Variants in DLGAP1 observed in about 807,000 individuals in gnomAD.
DLGAP1 encodes disks large-associated protein 1.
A neutral mutation model predicts 90.8 loss-of-function variants in DLGAP1; 11 were observed. The observed-to-expected ratio is 0.12, with a 90% CI of 0.08 to 0.20. The LOEUF (loss-of-function observed/expected upper bound fraction) is 0.20. Ranked by LOEUF, DLGAP1 falls within the 10% of genes least tolerant of loss-of-function variation. DLGAP1 has a pLI of 1.00. For synonymous variants in DLGAP1, 558 were observed against 540.7 expected (o/e 1.03, Z -0.44); for missense variants, 1,050 against 1,333.8 (o/e 0.79, Z 3.31).
intron 1 of DLGAP1, among the ~76,000 whole-genome samples, chr18:4,288,162 A>G (rs1300717131): frequency 6.6e-6 from 1 of 152,194 alleles, no homozygotes; most frequent in Non-Finnish European, 1.5e-5. Context: ...CACTGCACCC[A>G]CTAACTCGTC....
intron 1 of DLGAP1, among the ~76,000 whole-genome samples, chr18:4,396,036 T>C (rs1332551545): frequency 6.6e-6 from 1 of 152,206 alleles, no homozygotes; most frequent in Non-Finnish European, 1.5e-5. Context: ...CTAACAGATA[T>C]TCTAACTCCA....
At chr18:3,600,555 G>A (rs683703) in intron 7 of DLGAP1, among the ~76,000 whole-genome samples, 58,149 of 150,698 alleles carry the variant, frequency 0.39, 11,370 homozygotes, top group Middle Eastern at 0.53. Flanking sequence ...CTTTTTATTC[G>A]TTTTTATTAT....
intron 1 of DLGAP1, among the ~76,000 whole-genome samples, chr18:4,411,027 C>T (rs2082766178): frequency 6.6e-6 from 1 of 152,176 alleles, no homozygotes. Context: ...CTCTGGAGAA[C>T]AGTCCTTACT....
At chr18:3,732,013 G>A (rs1189349544) in intron 6 of DLGAP1, among the ~76,000 whole-genome samples, 1 of 152,050 alleles carries the variant, frequency 6.6e-6, no homozygotes, top group East Asian at 1.9e-4. Flanking sequence ...GTGCATCCCT[G>A]GGCTCTAGTT....
At chr18:4,103,212 G>C (rs2075807790) in intron 2 of DLGAP1, among the ~76,000 whole-genome samples, 1 of 152,062 alleles carries the variant, frequency 6.6e-6, no homozygotes, top group Admixed American at 6.6e-5. Flanking sequence ...AGAACTGATG[G>C]AAACACTTTC....
chr18:3,951,627 A>G (rs918626817), intron 3 of DLGAP1, among the ~76,000 whole-genome samples: 1 of 152,144 alleles, frequency 6.6e-6, no homozygotes, highest in Non-Finnish European at 1.5e-5. Flanking sequence ...TCTAAATCTC[A>G]TCTTGAATTG....
chr18:3,729,773 C>T lies in DLGAP1; in HGVS notation c.1351-398G>A, dbSNP rs1446280310. 6.6e-6 allele frequency among the ~76,000 whole-genome samples: 1 copy of T among 152,118 alleles called. No homozygotes were observed. Among genetic ancestry groups the T allele is most frequent in the Non-Finnish European group, 1.5e-5 (1 of 68,040 alleles). The stretch of plus-strand genomic sequence containing the variant: ...ACGCAAGGAAATGTGGGGCTTATTC[C>T]AACGCATGACATTCTTATTTATAAA... On this transcript the variant is annotated intron_variant, in intron 6 of 12. Coordinates refer to ENST00000315677, the MANE Select transcript of DLGAP1 (RefSeq NM_004746.4). The surrounding 1 kb of genome is among the most constrained non-coding windows in gnomAD (Gnocchi z 6.2).
intron 2 of DLGAP1, among the ~76,000 whole-genome samples, chr18:4,141,036 G>A (rs1357353765): frequency 2.0e-5 from 3 of 151,900 alleles, no homozygotes; most frequent in Admixed American, 6.6e-5. Flanking sequence ...AATCTGCTTG[G>A]TGTTCTATAT....
In DLGAP1 at chr18:4,340,046, C is replaced by CAT. The variant is rs1190737878; in HGVS notation, c.-267+114958_-267+114959dup. Among the ~76,000 whole-genome samples, 9 of 152,144 alleles carry CAT rather than the reference C, an allele frequency of 5.9e-5. No homozygotes were observed. The East Asian group carries it at 1.7e-3, about 29-fold the overall frequency. ...GACCCCCAGCTGATGCCTGAAACCACATATAGTACTAAACCCTATATACAC... is the reference window on the plus strand; with the variant it reads ...GACCCCCAGCTGATGCCTGAAACCACATATATAGTACTAAACCCTATATACAC... On this transcript the variant is annotated intron_variant, in intron 1 of 12. Transcript: ENST00000315677.
chr18:3,536,225 T>C (rs2052369634), intron 9 of DLGAP1, among the ~76,000 whole-genome samples: 1 of 91,062 alleles, frequency 1.1e-5, no homozygotes, highest in Non-Finnish European at 2.9e-5. Flanking sequence ...CTTTCTTTCT[T>C]TTTTTTTTTT....
intron 1 of DLGAP1, among the ~76,000 whole-genome samples, chr18:4,303,779 C>G (rs2080184594): frequency 6.6e-6 from 1 of 152,082 alleles, no homozygotes; most frequent in Non-Finnish European, 1.5e-5. Flanking sequence ...AGAAATGGTT[C>G]TTAATATTTT....
chr18:3,577,234 C>G (rs1042919137), intron 8 of DLGAP1, among the ~76,000 whole-genome samples: 1 of 152,170 alleles, frequency 6.6e-6, no homozygotes, highest in Non-Finnish European at 1.5e-5. Flanking sequence ...CGTGACCCTG[C>G]CACCTCACAG....
intron 4 of DLGAP1, among the ~76,000 whole-genome samples, chr18:3,872,551 C>G (rs1281699559): frequency 6.6e-6 from 1 of 152,086 alleles, no homozygotes; most frequent in Non-Finnish European, 1.5e-5. Flanking sequence ...AGATTGTTGT[C>G]TTTGAACCTA....
At chr18:4,226,858 G>C (rs2078201032) in intron 1 of DLGAP1, among the ~76,000 whole-genome samples, 1 of 151,828 alleles carries the variant, frequency 6.6e-6, no homozygotes, top group South Asian at 2.1e-4. Context: ...GTCCTTACTT[G>C]TCAGTAATAC....
At chr18:4,186,422 G>T (rs946771613) in intron 1 of DLGAP1, among the ~76,000 whole-genome samples, 15 of 152,126 alleles carry the variant, frequency 9.9e-5, no homozygotes, top group African/African-American at 3.6e-4. Context: ...TTACATTTAA[G>T]TCTTTAACCT....
At chr18:4,225,218 C>T (rs1229937830) in intron 1 of DLGAP1, among the ~76,000 whole-genome samples, 2 of 152,098 alleles carry the variant, frequency 1.3e-5, no homozygotes, top group African/African-American at 2.4e-5. Context: ...GGAAGAGTCA[C>T]AGCATTACAA....
intron 4 of DLGAP1, among the ~76,000 whole-genome samples, chr18:3,850,898 A>AC (rs1419519233): frequency 3.9e-5 from 6 of 152,220 alleles, no homozygotes; most frequent in Non-Finnish European, 8.8e-5. Context: ...TAGAAAAAAA[A>AC]CAGGAGAAAA....
In DLGAP1 at chr18:3,879,669, T is replaced by G. The variant is rs1175498853; in HGVS notation, c.400A>C (p.Ser134Arg). The change falls in exon 4 of 13, where the codon AGC (serine) becomes CGC (arginine). Residue 134 changes from serine to arginine, a missense_variant. Physicochemically the swap from Ser to Arg is moderately radical, Grantham distance 110. Transcript: ENST00000315677. This position sits in a 1 kb window ranked among gnomAD's most constrained non-coding sequence, Gnocchi z 6.6. ...KRTAVEHRSD[S>R]PGRIRHLVHS... ...ACCAGGTGGCGGATGCGGCCGGGGC[T>G]GTCGCTGCGGTGCTCCACGGCCGTG... is the stretch of plus-strand genomic sequence containing the variant. 1 of 1,606,568 alleles carries G rather than the reference T, an allele frequency of 6.2e-7. No homozygotes were observed. The highest frequency in any genetic ancestry group is 1.7e-5 in the Admixed American group (1 of 59,972).
At chr18:3,703,337 C>T (rs139065104) in intron 7 of DLGAP1, among the ~76,000 whole-genome samples, 118 of 152,242 alleles carry the variant, frequency 7.8e-4, no homozygotes, top group African/African-American at 2.8e-3. Context: ...GGGCAGTTGT[C>T]CATGCATAGG....
Sources: allele counts gnomAD v4.1 joint callset (sites outside exome capture counted in the v4.1 genomes callset), GRCh38; gene constraint gnomAD v4.1.1; non-coding constraint Gnocchi (gnomAD v3.1); transcripts MANE v1.5; gene names NCBI Gene and HGNC (gene_info 2026-07-23, HGNC 2026-07-21).